ZNF787: variants seen among roughly 807,000 people sequenced by gnomAD.
The protein encoded by ZNF787 is TTF-I-interacting peptide 20.
ZNF787 carries 7 observed loss-of-function variants against 16.9 expected under a neutral mutation model. That is an observed-to-expected ratio of 0.42 (90% CI 0.24 to 0.78). The LOEUF is 0.78. Among genes scored for constraint, ZNF787 ranks in the 30% least tolerant of loss-of-function variants. ZNF787 has a pLI of 0.30. For synonymous variants in ZNF787, 345 were observed against 270.9 expected, an observed-to-expected ratio of 1.27 and a Z score of -2.69; for missense variants, 551 against 589.3, an observed-to-expected ratio of 0.94 and a Z score of 0.67.
At chr19:56,114,887 A>C (rs1218767519) in intron 1 of ZNF787, among the ~76,000 whole-genome samples, 2 of 151,844 alleles carry the variant, frequency 1.3e-5, no homozygotes, top group Non-Finnish European at 2.9e-5. Flanking sequence ...CTCTGCTCCC[A>C]GCTCAAGAAG....
At chr19:56,115,012 C>T (rs960851956) in intron 1 of ZNF787, among the ~76,000 whole-genome samples, 2 of 152,184 alleles carry the variant, frequency 1.3e-5, no homozygotes, top group African/African-American at 2.4e-5. Flanking sequence ...CCTGCACCTC[C>T]GCCTGGATCT....
At chr19:56,111,243 C>G (rs1396072324) in intron 1 of ZNF787, among the ~76,000 whole-genome samples, 1 of 152,126 alleles carries the variant, frequency 6.6e-6, no homozygotes, top group African/African-American at 2.4e-5. Context: ...GGCTGAGCAC[C>G]TGGAATGGCG....
rs950239580 is a variant in ZNF787 at position 56,087,969 on chromosome 19, T to G, written c.*54A>C. Reference sequence around the variant, plus strand: ...CTGGGTCTCTTGGTCTTGCACGTCGTCGCTCCCGCCAAGCCCGAGGGGCCC... The same window carrying G: ...CTGGGTCTCTTGGTCTTGCACGTCGGCGCTCCCGCCAAGCCCGAGGGGCCC... On this transcript the variant is annotated 3_prime_UTR_variant, in exon 3 of 3. Coordinates refer to ENST00000610935, the MANE Select transcript of ZNF787 (RefSeq NM_001002836.4). 3.1e-6 allele frequency: 4 copies of G among 1,297,584 alleles called. No homozygotes were observed. In the African/African-American group the frequency reaches 6.4e-5, roughly 21 times the overall value. 80.4% of individuals were successfully genotyped at this position (1,297,584 alleles called of 1,614,324 possible).
intron 2 of ZNF787, among the ~76,000 whole-genome samples, chr19:56,097,711 C>T (rs7245587): frequency 0.15 from 23,040 of 152,232 alleles, 1,978 homozygotes; most frequent in South Asian, 0.23. Flanking sequence ...GGATCAACTA[C>T]CCCCGGCCCT....
At chr19:56,112,618 C>T (rs550548359) in intron 1 of ZNF787, among the ~76,000 whole-genome samples, 252 of 151,156 alleles carry the variant, frequency 1.7e-3, no homozygotes, top group Admixed American at 3.0e-3. Context: ...TGCCCAGAAA[C>T]TTCTCTGGCA....
At chr19:56,091,883 G>A (rs511642) in intron 2 of ZNF787, among the ~76,000 whole-genome samples, 20,556 of 152,160 alleles carry the variant, frequency 0.14, 1,901 homozygotes, top group African/African-American at 0.27. Flanking sequence ...GGGCCAAGAT[G>A]AGCCGCTCCA....
chr19:56,098,734 G>A (rs1375039218), intron 2 of ZNF787, among the ~76,000 whole-genome samples: 7 of 88,968 alleles, frequency 7.9e-5, no homozygotes, highest in Admixed American at 4.0e-4. Context: ...GGGTGATGCC[G>A]CCAGGGTGAT....
In ZNF787 at chr19:56,109,246, G is replaced by GT. The variant is rs2029910325; in HGVS notation, c.-10-6020_-10-6019insA. Among the ~76,000 whole-genome samples, 4 of 152,316 alleles carry GT rather than the reference G, an allele frequency of 2.6e-5. No individual in the cohort carries two copies. In the South Asian group the frequency reaches 6.2e-4, roughly 24 times the overall value. ...ACGTATCGGAACTGGTAGATGGCTGGGTGCTGGGGGCCAGCAGTGAAGGCG... is the reference window on the plus strand; with the variant it reads ...ACGTATCGGAACTGGTAGATGGCTGGTGTGCTGGGGGCCAGCAGTGAAGGCG... On this transcript the variant is annotated intron_variant, in intron 1 of 2. Coordinates refer to ENST00000610935, the MANE Select transcript of ZNF787 (RefSeq NM_001002836.4).
At chr19:56,107,020 G>A (rs969250485) in intron 1 of ZNF787, among the ~76,000 whole-genome samples, 3 of 152,170 alleles carry the variant, frequency 2.0e-5, no homozygotes, top group African/African-American at 7.2e-5. Context: ...AGGAGAACTC[G>A]GGACGTGCCT....
chr19:56,116,359 A>G (rs1306347111), intron 1 of ZNF787, among the ~76,000 whole-genome samples: 9 of 151,958 alleles, frequency 5.9e-5, no homozygotes, highest in Middle Eastern at 3.2e-3. Flanking sequence ...GGAGAATGGC[A>G]TAAACCCAGG....
intron 2 of ZNF787, among the ~76,000 whole-genome samples, chr19:56,092,229 T>C (rs1453332327): frequency 6.6e-6 from 1 of 152,254 alleles, no homozygotes; most frequent in Non-Finnish European, 1.5e-5. Context: ...GCCACTCTGA[T>C]GGTGGCAGCA....
At chr19:56,106,450 G>A (rs1179851997) in intron 1 of ZNF787, among the ~76,000 whole-genome samples, 7 of 152,256 alleles carry the variant, frequency 4.6e-5, no homozygotes, top group Admixed American at 4.6e-4. Flanking sequence ...CTGGGAAGGA[G>A]AAGCCTGCGC....
rs1414079312 is a variant in ZNF787, at chr19:56,087,813, G to C, written c.*210C>G. 1.3e-6 allele frequency: 1 copy of C among 761,396 alleles called. No individual in the cohort carries two copies. Among genetic ancestry groups the C allele is most frequent in the Non-Finnish European group, 1.8e-6 (1 of 564,674 alleles). 47.2% of individuals were successfully genotyped at this position (761,396 alleles called of 1,614,324 possible). A position where few individuals can be genotyped will look rare whatever the true frequency, so the allele number is the denominator to read the frequency against. ...TAGGAAGGGCGGGCCAGGCTGAGGG[G>C]GCAGAGTCTCGAGGCGGAGAAGTGA... On this transcript the variant is annotated 3_prime_UTR_variant, in exon 3 of 3. Transcript: ENST00000610935.
At position 56,087,724 on chromosome 19, in the gene ZNF787, GC is replaced by G; in HGVS notation, c.*298del. 3.7e-6 allele frequency: 1 copy of G among 273,778 alleles called. No homozygotes were observed. The highest frequency in any genetic ancestry group is 7.5e-5 in the East Asian group (1 of 13,330). The allele number at this position is 273,778 out of a possible 1,614,324, so 17.0% of individuals were successfully genotyped here. ...CAGGGAAAATGGCCTTCCGCTTGGG[GC>G]CTGGTCGCCACTCGGCCTCTGCAGT... On this transcript the variant is annotated 3_prime_UTR_variant, in exon 3 of 3. Coordinates refer to ENST00000610935, the MANE Select transcript of ZNF787 (RefSeq NM_001002836.4).
intron 2 of ZNF787, among the ~76,000 whole-genome samples, chr19:56,095,363 C>T (rs937953991): frequency 1.3e-5 from 2 of 152,198 alleles, no homozygotes; most frequent in Non-Finnish European, 2.9e-5. Context: ...TTCCGGCCTG[C>T]CTATCTGTAG....
intron 2 of ZNF787, among the ~76,000 whole-genome samples, chr19:56,091,260 C>T (rs558367405): frequency 6.6e-6 from 1 of 152,316 alleles, no homozygotes; most frequent in South Asian, 2.1e-4. Flanking sequence ...AGTGCTTCTA[C>T]GCCTTTAATT....
intron 1 of ZNF787, among the ~76,000 whole-genome samples, chr19:56,108,075 G>C (rs1402581149): frequency 6.6e-6 from 1 of 152,112 alleles, no homozygotes; most frequent in Non-Finnish European, 1.5e-5. Context: ...AACACGTGAA[G>C]GGCAGCACTG....
At chr19:56,102,524 C>A (rs1986139948) in intron 2 of ZNF787, 3 of 247,722 alleles carry the variant, frequency 1.2e-5, no homozygotes, top group South Asian at 9.7e-5. Flanking sequence ...ACGTAGCCCA[C>A]AAATGAGTTT....
intron 2 of ZNF787, among the ~76,000 whole-genome samples, chr19:56,093,114 C>A (rs1985715527): frequency 1.3e-5 from 2 of 149,518 alleles, no homozygotes; most frequent in Non-Finnish European, 1.5e-5. Flanking sequence ...CAGGGGATGG[C>A]GGAAGTGGGA....
Sources: gnomAD v4.1 joint callset for allele counts (sites outside exome capture counted in the v4.1 genomes callset) on GRCh38, gnomAD v4.1.1 for gene constraint, MANE v1.5 for transcripts, NCBI Gene and HGNC (gene_info 2026-07-23, HGNC 2026-07-21) for gene names.